The following THAP12 variants were observed in gnomAD, a reference collection of about 807,000 sequenced individuals.
The protein encoded by THAP12 is THAP domain containing 12.
Under a neutral mutation model 63.0 loss-of-function variants are expected in THAP12, and 20 were observed. The ratio of observed to expected loss-of-function variants is 0.32; its 90% CI spans 0.22 to 0.46. The LOEUF is 0.46. Ranked by LOEUF, THAP12 falls within the 20% of genes least tolerant of loss-of-function variation. The pLI is 1.00. For missense variants in THAP12, 568 were observed against 908.2 expected, an observed-to-expected ratio of 0.63 and a Z score of 4.81; for synonymous variants, 264 against 328.4, an observed-to-expected ratio of 0.80 and a Z score of 2.12.
At chr11:76,362,124 A>C (rs1946601687) in intron 2 of THAP12, among the ~76,000 whole-genome samples, 1 of 152,214 alleles carries the variant, frequency 6.6e-6, no homozygotes, top group Admixed American at 6.5e-5. Flanking sequence ...GAAGCTTATT[A>C]AGAGGGACAG....
chr11:76,366,722 A>G (rs1946634052), intron 1 of THAP12, among the ~76,000 whole-genome samples: 1 of 152,084 alleles, frequency 6.6e-6, no homozygotes, highest in African/African-American at 2.4e-5. Context: ...TTCTTTAAAT[A>G]ACTAGTTTCT....
At chr11:76,365,575 C>T (rs565711422) in intron 2 of THAP12, among the ~76,000 whole-genome samples, 200 of 152,064 alleles carry the variant, frequency 1.3e-3, no homozygotes, top group Non-Finnish European at 2.3e-3. Flanking sequence ...TCTGTAGCGA[C>T]GGCATCTGGC....
chr11:76,370,599 G>A (rs1946666450), intron 1 of THAP12, among the ~76,000 whole-genome samples: 1 of 152,112 alleles, frequency 6.6e-6, no homozygotes, highest in Non-Finnish European at 1.5e-5. Flanking sequence ...CCTGGGTGAA[G>A]TGATCGTCCT....
intron 3 of THAP12, chr11:76,358,433 T>C (rs1946575227): frequency 1.3e-5 from 2 of 152,228 alleles, no homozygotes; most frequent in South Asian, 4.1e-4. Flanking sequence ...TTAGTATTAC[T>C]TATTGCATTA....
intron 1 of THAP12, among the ~76,000 whole-genome samples, chr11:76,366,899 C>T (rs1235965737): frequency 6.6e-6 from 1 of 151,938 alleles, no homozygotes; most frequent in East Asian, 1.9e-4. Flanking sequence ...AGTCCATGCC[C>T]TCTCGGTGCT....
At chr11:76,379,869 A>G (rs577943332) in intron 1 of THAP12, among the ~76,000 whole-genome samples, 10 of 152,296 alleles carry the variant, frequency 6.6e-5, no homozygotes, top group African/African-American at 2.4e-4. Flanking sequence ...AATTAATTGA[A>G]CTAATTAATA....
intron 4 of THAP12, 51 bp from the exon 5 acceptor site, chr11:76,352,845 C>T (rs778192194): frequency 1.3e-6 from 2 of 1,487,386 alleles, no homozygotes; most frequent in Admixed American, 2.5e-5. Context: ...AAACCATACA[C>T]AACAAAAAAT....
At chr11:76,370,686 G>A (rs979872424) in intron 1 of THAP12, among the ~76,000 whole-genome samples, 3 of 151,562 alleles carry the variant, frequency 2.0e-5, no homozygotes, top group Non-Finnish European at 4.4e-5. Flanking sequence ...GTTTTTACAT[G>A]AATAAAATTA....
At chr11:76,370,395 C>A (rs1467290719) in intron 1 of THAP12, among the ~76,000 whole-genome samples, 1 of 151,930 alleles carries the variant, frequency 6.6e-6, no homozygotes, top group African/African-American at 2.4e-5. Flanking sequence ...GAGGATCTCA[C>A]TCTGTTGCAC....
intron 1 of THAP12, among the ~76,000 whole-genome samples, chr11:76,375,449 A>G (rs1325218548): frequency 2.0e-5 from 3 of 146,352 alleles, no homozygotes; most frequent in Non-Finnish European, 3.0e-5. Flanking sequence ...TGATTATTTC[A>G]CTTTTTTAAA....
chr11:76,351,604 C>T lies in THAP12; in HGVS notation c.1546G>A (p.Ala516Thr). The change falls in exon 5 of 5, where the codon GCA becomes ACA. Residue 516 changes from alanine to threonine, a missense_variant. Coordinates refer to ENST00000260045, the MANE Select transcript of THAP12 (RefSeq NM_004705.4). ...ACTTCGTTGAGTGAATGCAGTACTG[C>T]AGTCAAGCTACCGGCCGCAAAGAAG... ...DVFFAAGSLTAVLHSLNEVME... is the reference protein window; with the variant it reads ...DVFFAAGSLTTVLHSLNEVME... 6.3e-7 allele frequency: 1 copy of T among 1,586,194 alleles called. No individual in the cohort carries two copies. The highest frequency in any genetic ancestry group is 8.6e-7 in the Non-Finnish European group (1 of 1,163,772).
chr11:76,376,962 G>C (rs759557966), intron 1 of THAP12, among the ~76,000 whole-genome samples: 2 of 151,930 alleles, frequency 1.3e-5, no homozygotes, highest in Non-Finnish European at 2.9e-5. Context: ...AATGGGGCAA[G>C]GCCAAGTCAG....
At position 76,370,830 on chromosome 11, in the gene THAP12, G is replaced by GAA. The variant is rs371784735; in HGVS notation, c.90-4860_90-4859dup. ...AGCGAGACTCCGTCTCAAAAAAAAA[G>GAA]AAAAAAAAAAAAAATATATATATAT... On this transcript the variant is annotated intron_variant, in intron 1 of 4. Transcript: ENST00000260045. Among the ~76,000 whole-genome samples, 287 of 135,538 alleles carry GAA rather than the reference G, an allele frequency of 2.1e-3. 1 individual carries two copies. Among genetic ancestry groups the GAA allele is most frequent in the East Asian group, 3.2e-3 (15 of 4,646 alleles). The allele number at this position is 135,538 out of a possible 152,430, so 88.9% of individuals were successfully genotyped here. A position where few individuals can be genotyped will look rare whatever the true frequency, so the allele number is the denominator to read the frequency against.
intron 2 of THAP12, among the ~76,000 whole-genome samples, chr11:76,365,013 G>C (rs1048020196): frequency 6.6e-6 from 1 of 152,144 alleles, no homozygotes; most frequent in Non-Finnish European, 1.5e-5. Context: ...GGGTGTGGAG[G>C]CTCATACATG....
At chr11:76,364,965 T>C (rs1946621042) in intron 2 of THAP12, among the ~76,000 whole-genome samples, 3 of 152,212 alleles carry the variant, frequency 2.0e-5, no homozygotes, top group African/African-American at 7.2e-5. Context: ...AAAATTTTCC[T>C]GAAGACTAAA....
rs1341482941 is a variant in THAP12, at chr11:76,380,729, C to G, written c.89+19G>C. The G allele has an allele frequency of 3.5e-6, 5 of 1,410,008 alleles. No homozygotes were observed. Among genetic ancestry groups the G allele is most frequent in the Non-Finnish European group, 4.7e-6 (5 of 1,071,004 alleles). The allele number at this position is 1,410,008 out of a possible 1,614,324, so 87.3% of individuals were successfully genotyped here. A position where few individuals can be genotyped will look rare whatever the true frequency, so the allele number is the denominator to read the frequency against. ...CGCGAAGGTGGGCCCGGGCCGCCCG[C>G]TCTGCGCCCGCCGCTTACCTGGCAG... On this transcript the variant is annotated intron_variant, in intron 1 of 4. Transcript: ENST00000260045.
chr11:76,370,280 C>T (rs1418896523), intron 1 of THAP12, among the ~76,000 whole-genome samples: 3 of 151,976 alleles, frequency 2.0e-5, no homozygotes, highest in African/African-American at 7.3e-5. Flanking sequence ...TTTAAAAATC[C>T]CGGTGAAATT....
intron 2 of THAP12, among the ~76,000 whole-genome samples, chr11:76,363,944 A>C (rs1228650455): frequency 6.6e-6 from 1 of 152,222 alleles, no homozygotes; most frequent in Admixed American, 6.5e-5. Context: ...TCCTAGACGT[A>C]TAGAAAGAAC....
At chr11:76,370,240 G>A (rs1279072921) in intron 1 of THAP12, among the ~76,000 whole-genome samples, 2 of 152,216 alleles carry the variant, frequency 1.3e-5, no homozygotes, top group Non-Finnish European at 2.9e-5. Flanking sequence ...TGAAGCAGAG[G>A]AAGTTTGGGA....
Sources: gnomAD v4.1 joint callset for allele counts (sites outside exome capture counted in the v4.1 genomes callset) on GRCh38, gnomAD v4.1.1 for gene constraint, MANE v1.5 for transcripts, NCBI Gene and HGNC (gene_info 2026-07-23, HGNC 2026-07-21) for gene names.